Variants in ADSS1 observed in about 807,000 individuals in gnomAD.
ADSS1 encodes the protein adenylosuccinate synthetase isozyme 1.
Under a neutral mutation model 59.1 loss-of-function variants are expected in ADSS1, and 57 were observed. The ratio of observed to expected loss-of-function variants is 0.97; its 90% CI spans 0.78 to 1.20. The LOEUF (loss-of-function observed/expected upper bound fraction) is 1.20, where lower values mean the gene tolerates loss of function less well. Ranked by LOEUF, ADSS1 falls within the 50% of genes most tolerant of loss-of-function variation. The pLI is 0.00. For synonymous variants in ADSS1, 247 were observed against 249.4 expected (o/e 0.99, Z 0.09); for missense variants, 603 against 610.3 (o/e 0.99, Z 0.13).
intron 8 of ADSS1, 139 bp from the exon 9 acceptor site, chr14:104,741,709 G>A (rs963035694): frequency 1.9e-6 from 2 of 1,040,478 alleles, no homozygotes; most frequent in Admixed American, 2.5e-5. Context: ...CACCAGGACA[G>A]GCCAGGCTGG....
At chr14:104,726,513 C>T (rs939379314) in intron 1 of ADSS1, among the ~76,000 whole-genome samples, 8 of 152,192 alleles carry the variant, frequency 5.3e-5, no homozygotes, top group Non-Finnish European at 7.4e-5. Flanking sequence ...GGTGGGGGTT[C>T]TCCCCTACCA....
At chr14:104,726,388 G>A (rs752939309) in intron 1 of ADSS1, among the ~76,000 whole-genome samples, 1 of 152,324 alleles carries the variant, frequency 6.6e-6, no homozygotes, top group Non-Finnish European at 1.5e-5. Context: ...GGATCTCAGC[G>A]GGGCGCCGCT....
intron 1 of ADSS1, among the ~76,000 whole-genome samples, chr14:104,731,341 C>T (rs1890925282): frequency 6.6e-6 from 1 of 152,218 alleles, no homozygotes; most frequent in African/African-American, 2.4e-5. Flanking sequence ...GGCTCTGTGA[C>T]AGCACCCCCT....
chr14:104,734,653 G>A (rs866049433), intron 1 of ADSS1, among the ~76,000 whole-genome samples: 12 of 152,344 alleles, frequency 7.9e-5, no homozygotes, highest in Non-Finnish European at 1.3e-4. Flanking sequence ...AGGTTTGGCC[G>A]TGGGGGTGCT....
intron 4 of ADSS1, 99 bp downstream of exon 4, chr14:104,739,477 A>C (rs1243051610): frequency 4.4e-6 from 6 of 1,357,518 alleles, no homozygotes; most frequent in Admixed American, 2.0e-5. Flanking sequence ...GGAAGTCCCC[A>C]AGGCCTTCTT....
chr14:104,739,692 A>G, intron 4 of ADSS1, 58 bp from the exon 5 acceptor site: 4 of 1,580,930 alleles, frequency 2.5e-6, no homozygotes, highest in Non-Finnish European at 2.6e-6. Flanking sequence ...CCATGTATAC[A>G]CATCTGTCCT....
chr14:104,734,136 G>C (rs1353590484), intron 1 of ADSS1, among the ~76,000 whole-genome samples: 1 of 152,232 alleles, frequency 6.6e-6, no homozygotes, highest in Non-Finnish European at 1.5e-5. Flanking sequence ...CTGTGAAGCG[G>C]GGCCTCCTGC....
In ADSS1 at chr14:104,741,190, C is replaced by G. The variant is rs140869903; in HGVS notation, c.740C>G (p.Pro247Arg). ...YFMYEALHGP[P>R]KKILVEGANA... is the part of the protein sequence containing the mutation. ...ATGTATGAGGCACTCCACGGCCCCC[C>G]CAAGAAGATCCTGGTGGAGGGTGCC... The change falls in exon 8 of 13, where the codon CCC becomes CGC. Residue 247 changes from proline to arginine, a missense_variant. By Grantham distance (103) the Pro-to-Arg change is moderately radical. Transcript: ENST00000330877. 66 of 1,612,012 alleles carry G rather than the reference C, an allele frequency of 4.1e-5. No individual in the cohort carries two copies. The highest frequency in any genetic ancestry group is 2.9e-4 in the African/African-American group (22 of 74,874).
Position 104,735,122 on chromosome 14 carries a change from G to T in ADSS1, c.295G>T (p.Gly99Cys). 4.4e-6 allele frequency: 7 copies of T among 1,607,348 alleles called. No individual in the cohort carries two copies. The highest frequency in any genetic ancestry group is 4.3e-6 in the Non-Finnish European group (5 of 1,176,130). ...IINTKAVSFI[G>C]NGVVIHLPGL... is the part of the protein sequence containing the mutation. ...CAACACCAAGGCCGTGTCCTTCATT[G>T]GTGAGTGCCCTGCCCCGACCTGTGT... Residue 99 changes from glycine to cysteine, a missense_variant and splice_region_variant, in exon 2 of 13, where the codon GGC becomes TGC. By Grantham distance (159) the Gly-to-Cys change is radical. Coordinates refer to ENST00000330877, the MANE Select transcript of ADSS1 (RefSeq NM_152328.5).
intron 1 of ADSS1, among the ~76,000 whole-genome samples, chr14:104,728,603 T>TGGGCGCCA (rs1356609760): frequency 6.6e-6 from 1 of 152,196 alleles, no homozygotes; most frequent in Admixed American, 6.5e-5. Context: ...GTGTGCACAC[T>TGGGCGCCA]GGGCGCCAGG....
Position 104,747,125 on chromosome 14 carries a change from A to G in ADSS1, c.*122A>G, listed in dbSNP as rs1371006512. ...CAGGAAAACCATTTTCTGTACTTTT[A>G]TATTTCTGTTCAACCTGTTGGTTTC... On this transcript the variant is annotated 3_prime_UTR_variant, in exon 13 of 13. Coordinates refer to ENST00000330877, the MANE Select transcript of ADSS1 (RefSeq NM_152328.5). 9.5e-6 allele frequency: 8 copies of G among 843,768 alleles called. No individual in the cohort carries two copies. The highest frequency in any genetic ancestry group is 2.8e-5 in the Admixed American group (1 of 35,968). The allele number at this position is 843,768 out of a possible 1,614,324, so 52.3% of individuals were successfully genotyped here. A position where few individuals can be genotyped will look rare whatever the true frequency, so the allele number is the denominator to read the frequency against.
At chr14:104,734,528 C>G (rs1891046592) in intron 1 of ADSS1, among the ~76,000 whole-genome samples, 2 of 152,244 alleles carry the variant, frequency 1.3e-5, no homozygotes, top group East Asian at 1.9e-4. Context: ...GAGAGGGGAG[C>G]CTGTGGCTGG....
At chr14:104,735,391 C>A (rs1006638858) in intron 2 of ADSS1, among the ~76,000 whole-genome samples, 6 of 115,156 alleles carry the variant, frequency 5.2e-5, no homozygotes, top group African/African-American at 9.4e-5. Context: ...AGTGCCTGAT[C>A]CCTGATCCCT....
chr14:104,739,635 C>G, intron 4 of ADSS1, 115 bp from the exon 5 acceptor site: 1 of 1,233,662 alleles, frequency 8.1e-7, no homozygotes, highest in African/African-American at 1.5e-5. Context: ...TCTTTGAAAT[C>G]TCAACCACCC....
chr14:104,742,595 G>A (rs1408997220), intron 9 of ADSS1, among the ~76,000 whole-genome samples: 1 of 152,266 alleles, frequency 6.6e-6, no homozygotes, highest in Non-Finnish European at 1.5e-5. Flanking sequence ...TGCCTGAGCA[G>A]GAGGAAGGGC....
intron 1 of ADSS1, among the ~76,000 whole-genome samples, chr14:104,732,747 T>TAGGCTTCC (rs1890976493): frequency 6.6e-6 from 1 of 152,020 alleles, no homozygotes; most frequent in South Asian, 2.1e-4. Context: ...GTACAAGGGA[T>TAGGCTTCC]AGGCTTCCCT....
intron 1 of ADSS1, among the ~76,000 whole-genome samples, chr14:104,732,177 C>T (rs1038673249): frequency 6.6e-6 from 1 of 152,218 alleles, no homozygotes; most frequent in South Asian, 2.1e-4. Context: ...GCTCCCATGG[C>T]AAGGCAGACC....
intron 5 of ADSS1, 147 bp downstream of exon 5, chr14:104,739,963 C>T (rs1891279281): frequency 2.3e-6 from 2 of 862,200 alleles, no homozygotes; most frequent in Admixed American, 2.2e-5. Flanking sequence ...CAAAATTCCA[C>T]AGCGCATCAC....
chr14:104,736,386 C>T (rs1373512140), intron 2 of ADSS1, among the ~76,000 whole-genome samples: 2 of 152,240 alleles, frequency 1.3e-5, no homozygotes, highest in African/African-American at 4.8e-5. Context: ...TGGCAGGAAA[C>T]AAGGCCAAAG....
Sources: gnomAD v4.1 joint callset for allele counts (sites outside exome capture counted in the v4.1 genomes callset) on GRCh38, gnomAD v4.1.1 for gene constraint, MANE v1.5 for transcripts, NCBI Gene and HGNC (gene_info 2026-07-23, HGNC 2026-07-21) for gene names.